MPC2: variants seen among roughly 807,000 people sequenced by gnomAD.
MPC2 encodes the protein mitochondrial pyruvate carrier 2, also known as brain protein 44.
Under a neutral mutation model 19.2 loss-of-function variants are expected in MPC2, and 19 were observed. That is an observed-to-expected ratio of 0.99 (90% CI 0.69 to 1.45). The LOEUF is 1.45. Among genes scored for constraint, MPC2 ranks in the 40% most tolerant of loss-of-function variants. MPC2 has a pLI of 0.00. For missense variants in MPC2, 122 were observed against 153.0 expected (o/e 0.80, Z 1.07); for synonymous variants, 61 against 54.3 (o/e 1.12, Z -0.54).
At chr1:167,928,758 TA>T (rs1670823962) in intron 2 of MPC2, among the ~76,000 whole-genome samples, 1 of 152,212 alleles carries the variant, frequency 6.6e-6, no homozygotes, top group African/African-American at 2.4e-5. Flanking sequence ...GTGATTATAA[TA>T]CCTTAATATT....
At chr1:167,934,476 A>G (rs1304867260) in intron 2 of MPC2, among the ~76,000 whole-genome samples, 1 of 152,012 alleles carries the variant, frequency 6.6e-6, no homozygotes, top group African/African-American at 2.4e-5. Flanking sequence ...AAAGGCAAAT[A>G]AACAAAAACT....
At chr1:167,925,001 T>G (rs909243943) in intron 2 of MPC2, among the ~76,000 whole-genome samples, 1 of 152,136 alleles carries the variant, frequency 6.6e-6, no homozygotes, top group African/African-American at 2.4e-5. Flanking sequence ...GGCAGTTGCT[T>G]CCCTCCAATT....
At chr1:167,926,782 T>G (rs1227535919) in intron 2 of MPC2, among the ~76,000 whole-genome samples, 1 of 152,224 alleles carries the variant, frequency 6.6e-6, no homozygotes, top group Admixed American at 6.5e-5. Context: ...ACTAGTTTCA[T>G]GCTATTTTAT....
In MPC2 at chr1:167,916,920, G is replaced by A. The variant is rs1349804291; in HGVS notation, c.*1403C>T. The A allele has an allele frequency of 6.6e-6, 1 of 152,174 alleles. No individual in the cohort carries two copies. The highest frequency in any genetic ancestry group is 1.5e-5 in the Non-Finnish European group (1 of 68,042). 9.4% of individuals were successfully genotyped at this position (152,174 alleles called of 1,614,324 possible). A position where few individuals can be genotyped will look rare whatever the true frequency, so the allele number is the denominator to read the frequency against. ...ACCTCTTCATTGTGGCCTATGTCAA[G>A]CTCTCTAATCTTTTCTCCTCAATGG... On this transcript the variant is annotated 3_prime_UTR_variant, in exon 6 of 6. Coordinates refer to ENST00000271373, the MANE Select transcript of MPC2 (RefSeq NM_001143674.4).
intron 2 of MPC2, among the ~76,000 whole-genome samples, chr1:167,927,383 C>A (rs1670787392): frequency 6.6e-6 from 1 of 152,178 alleles, no homozygotes; most frequent in Admixed American, 6.5e-5. Context: ...ATCATTACAC[C>A]TGGTTCATTT....
In MPC2 at chr1:167,920,600, G is replaced by GC. The variant is rs1213652823; in HGVS notation, c.181dup (p.Ala61GlyfsTer8). On this transcript the variant is annotated frameshift_variant, in exon 4 of 6. Coordinates refer to ENST00000271373, the MANE Select transcript of MPC2 (RefSeq NM_001143674.4). LOFTEE classifies it high-confidence loss of function. ...TGTGCTAAGTTTTTCTGCAGGTCTG[G>GC]CCATATCAGCCAATCCAGCACACAC... The GC allele has an allele frequency of 6.2e-7, 1 of 1,613,754 alleles. No individual in the cohort carries two copies. Among genetic ancestry groups the GC allele is most frequent in the African/African-American group, 1.3e-5 (1 of 74,882 alleles).
Position 167,935,740 on chromosome 1 carries a change from A to C in MPC2, c.102T>G (p.His34Gln). 6.4e-7 allele frequency: 1 copy of C among 1,561,104 alleles called. No homozygotes were observed. The highest frequency in any genetic ancestry group is 8.7e-7 in the Non-Finnish European group (1 of 1,151,974). Residue 34 changes from histidine to glutamine, a missense_variant, in exon 2 of 6, where the codon CAT becomes CAG. Physicochemically the swap from His to Gln is conservative, Grantham distance 24 (BLOSUM62 0). Coordinates refer to ENST00000271373, the MANE Select transcript of MPC2 (RefSeq NM_001143674.4). ...CCATTCAGGGTCCATTACCTGCTGG[A>C]TGGTTGTACAACGGCCTCAATTTCT... is the stretch of plus-strand genomic sequence containing the variant. The part of the protein sequence containing the change: ...LPEKLRPLYN[H>Q]PAGPRTVFFW...
chr1:167,924,876 A>C (rs1670694263), intron 2 of MPC2, among the ~76,000 whole-genome samples: 1 of 152,192 alleles, frequency 6.6e-6, no homozygotes, highest in South Asian at 2.1e-4. Context: ...CTCTCATCCC[A>C]AATGAAAATG....
intron 3 of MPC2, among the ~76,000 whole-genome samples, chr1:167,923,912 G>A (rs138296087): frequency 1.9e-4 from 29 of 152,236 alleles, no homozygotes; most frequent in African/African-American, 6.0e-4. Context: ...GACCCAAACT[G>A]GCCCTTTCAA....
chr1:167,935,589 T>C (rs1671103328), intron 2 of MPC2, 144 bp downstream of exon 2: 4 of 666,138 alleles, frequency 6.0e-6, no homozygotes, highest in African/African-American at 5.4e-5. Context: ...ATGCACAGGC[T>C]AGGAGAGTAG....
chr1:167,921,561 A>G (rs1409916973), intron 3 of MPC2, among the ~76,000 whole-genome samples: 7 of 151,970 alleles, frequency 4.6e-5, no homozygotes, highest in South Asian at 2.1e-4. Context: ...CAGCATATAC[A>G]TGGCCATTTC....
At position 167,937,019 on chromosome 1, in the gene MPC2, G is replaced by GC. The variant is rs1348533034; in HGVS notation, c.-139dup. 3 of 1,602,286 alleles carry GC rather than the reference G, an allele frequency of 1.9e-6. No homozygotes were observed. Among genetic ancestry groups the GC allele is most frequent in the Non-Finnish European group, 2.6e-6 (3 of 1,174,958 alleles). On this transcript the variant is annotated 5_prime_UTR_variant, in exon 1 of 6. Transcript: ENST00000271373. The stretch of plus-strand genomic sequence containing the variant: ...GGAGTCGCTACCTGGGTGAGCGGGG[G>GC]CCCCGGGGCGGAGGCGCTGAGGTCG...
chr1:167,936,612 G>GTCGCCA, intron 1 of MPC2: 1 of 359,804 alleles, frequency 2.8e-6, no homozygotes, highest in South Asian at 3.0e-5. Flanking sequence ...AGAGGGAGGA[G>GTCGCCA]TCGCCATCGC....
Position 167,918,469 on chromosome 1 carries a change from T to C in MPC2, c.348-110A>G, listed in dbSNP as rs146964973. 1,230 of 671,548 alleles carry C rather than the reference T, an allele frequency of 1.8e-3. 3 individuals are homozygous for C. The highest frequency in any genetic ancestry group is 2.7e-3 in the Non-Finnish European group (1,105 of 407,244). 41.6% of individuals were successfully genotyped at this position (671,548 alleles called of 1,614,324 possible). ...TCTTCTTTCTTGGTGGTCAAGTAGC[T>C]ATACAGTTGTAAACAGAATCTTCCC... On this transcript the variant is annotated intron_variant, in intron 5 of 5. Coordinates refer to ENST00000271373, the MANE Select transcript of MPC2 (RefSeq NM_001143674.4).
At chr1:167,935,922 A>G in intron 1 of MPC2, 24 bp from the exon 2 acceptor site, 1 of 1,097,208 alleles carries the variant, frequency 9.1e-7, no homozygotes, top group Non-Finnish European at 1.4e-6. Flanking sequence ...GGAGCTAGTC[A>G]CTTTTCCTGC....
chr1:167,929,956 C>T (rs928096359), intron 2 of MPC2, among the ~76,000 whole-genome samples: 1 of 152,124 alleles, frequency 6.6e-6, no homozygotes, highest in African/African-American at 2.4e-5. Context: ...TTACATTACA[C>T]AAGTTCACCT....
chr1:167,936,091 G>A, intron 1 of MPC2, 193 bp from the exon 2 acceptor site: 1 of 565,070 alleles, frequency 1.8e-6, no homozygotes, highest in Non-Finnish European at 3.2e-6. Flanking sequence ...CGGCAGGAGA[G>A]AGGGAGGAGC....
intron 2 of MPC2, among the ~76,000 whole-genome samples, chr1:167,928,296 C>CGA (rs1030488945): frequency 6.8e-6 from 1 of 147,486 alleles, no homozygotes; most frequent in African/African-American, 2.5e-5. Context: ...TGCAGTGAGC[C>CGA]GAGATCGCAC....
intron 2 of MPC2, among the ~76,000 whole-genome samples, chr1:167,925,293 A>T (rs1670705438): frequency 6.6e-6 from 1 of 151,702 alleles, no homozygotes; most frequent in Non-Finnish European, 1.5e-5. Context: ...GCTCAATACT[A>T]TTCATACTTG....
Sources: allele counts gnomAD v4.1 joint callset (sites outside exome capture counted in the v4.1 genomes callset), GRCh38; gene constraint gnomAD v4.1.1; transcripts MANE v1.5; gene names NCBI Gene and HGNC (gene_info 2026-07-23, HGNC 2026-07-21).